ADD1: variants seen among roughly 807,000 people sequenced by gnomAD.
ADD1 encodes the protein alpha-adducin.
Under a neutral mutation model 80.5 loss-of-function variants are expected in ADD1, and 24 were observed. The observed-to-expected ratio is 0.30, with a 90% CI of 0.22 to 0.42. The LOEUF (loss-of-function observed/expected upper bound fraction) is 0.42. Ranked by LOEUF, ADD1 falls within the 10% of genes least tolerant of loss-of-function variation. The pLI, the probability that ADD1 is intolerant of heterozygous loss-of-function variation, is 1.00. For synonymous variants in ADD1, 373 were observed against 393.8 expected (o/e 0.95, Z 0.63); for missense variants, 948 against 1,019.0 (o/e 0.93, Z 0.95).
In ADD1 at chr4:2,883,950, C is replaced by T. The variant is rs373740267; in HGVS notation, c.359-565C>T. ...CCTCCCAAAGTGCTGGGATTACAGGCGTGAGCCACCGCGCCCAGCCCATAT... is the reference window on the plus strand; with the variant it reads ...CCTCCCAAAGTGCTGGGATTACAGGTGTGAGCCACCGCGCCCAGCCCATAT... On this transcript the variant is annotated intron_variant, in intron 3 of 15. Transcript: ENST00000683351. Among the ~76,000 whole-genome samples, 173 of 152,334 alleles carry T rather than the reference C, an allele frequency of 1.1e-3. 1 individual carries two copies. Among genetic ancestry groups the T allele is most frequent in the Admixed American group, 3.6e-3 (55 of 15,302 alleles).
At chr4:2,863,374 A>G (rs1729091139) in intron 1 of ADD1, among the ~76,000 whole-genome samples, 1 of 151,988 alleles carries the variant, frequency 6.6e-6, no homozygotes. Flanking sequence ...TGGAATTTTT[A>G]GACTTCAGAA....
At chr4:2,858,432 G>A (rs965824312) in intron 1 of ADD1, among the ~76,000 whole-genome samples, 12 of 152,122 alleles carry the variant, frequency 7.9e-5, no homozygotes, top group African/African-American at 2.7e-4. Flanking sequence ...CTAAGGTTAC[G>A]CGGTTTAGTG....
Position 2,899,283 on chromosome 4 carries a change from G to C in ADD1, c.1009G>C (p.Gly337Arg). 1 of 1,613,608 alleles carries C rather than the reference G, an allele frequency of 6.2e-7. No homozygotes were observed. The highest frequency in any genetic ancestry group is 8.5e-7 in the Non-Finnish European group (1 of 1,179,508). ...GGTTCGAACTCTGGCCAGTGCAGGA[G>C]GACCAGACAACTTAGTCCTGCTGAA... ...IQVRTLASAG[G>R]PDNLVLLNPE... The change falls in exon 9 of 16, where the codon GGA becomes CGA. Residue 337 changes from glycine (G) to arginine (R), a missense_variant. Physicochemically the swap from Gly to Arg is moderately radical, Grantham distance 125. Transcript: ENST00000683351.
At chr4:2,902,281 T>C (rs1736318929) in intron 9 of ADD1, 4 of 152,218 alleles carry the variant, frequency 2.6e-5, no homozygotes, top group Admixed American at 1.3e-4. Context: ...ACTGTGTTTT[T>C]CTGCAGATAG....
intron 10 of ADD1, chr4:2,905,629 A>C: frequency 6.2e-6 from 1 of 160,960 alleles, no homozygotes; most frequent in Non-Finnish European, 1.4e-5. Flanking sequence ...TTTCTATCCC[A>C]AAGCCTCCGA....
chr4:2,906,080 A>C (rs1737005648), intron 10 of ADD1, among the ~76,000 whole-genome samples: 1 of 152,218 alleles, frequency 6.6e-6, no homozygotes, highest in Non-Finnish European at 1.5e-5. Context: ...CAAATACATA[A>C]AGTGGGGCTT....
chr4:2,887,263 C>T (rs1047409035), intron 4 of ADD1, among the ~76,000 whole-genome samples: 1 of 152,064 alleles, frequency 6.6e-6, no homozygotes, highest in African/African-American at 2.4e-5. Context: ...ATGGTATAGA[C>T]GCTTAACAGA....
At chr4:2,927,865 G>A (rs1712121013) in intron 15 of ADD1, among the ~76,000 whole-genome samples, 1 of 152,060 alleles carries the variant, frequency 6.6e-6, no homozygotes, top group Non-Finnish European at 1.5e-5. Context: ...TCCTTTAGTC[G>A]TCCTCAGCTT....
intron 3 of ADD1, among the ~76,000 whole-genome samples, chr4:2,883,027 A>G (rs1271993737): frequency 6.6e-6 from 1 of 151,738 alleles, no homozygotes; most frequent in African/African-American, 2.4e-5. Flanking sequence ...ACACCTGGCT[A>G]ATTTTTGTTA....
At chr4:2,852,173 T>TC (rs1315444644) in intron 1 of ADD1, among the ~76,000 whole-genome samples, 20 of 71,390 alleles carry the variant, frequency 2.8e-4, no homozygotes, top group African/African-American at 1.3e-3. Flanking sequence ...TTTCTTTCTT[T>TC]CTTTCTTTCT....
At chr4:2,854,346 G>GC (rs1727754630) in intron 1 of ADD1, among the ~76,000 whole-genome samples, 1 of 152,146 alleles carries the variant, frequency 6.6e-6, no homozygotes, top group African/African-American at 2.4e-5. Context: ...AAGCAAGCAA[G>GC]AAAGAAAGAA....
chr4:2,857,471 G>A (rs961762013), intron 1 of ADD1, among the ~76,000 whole-genome samples: 10 of 152,186 alleles, frequency 6.6e-5, no homozygotes, highest in Non-Finnish European at 1.0e-4. Flanking sequence ...AGCCGGACAT[G>A]ATGGGGTGCA....
chr4:2,856,278 A>G (rs1263412), intron 1 of ADD1, among the ~76,000 whole-genome samples: 47,312 of 151,908 alleles, frequency 0.31, 7,815 homozygotes, highest in African/African-American at 0.38. Flanking sequence ...GAGTTATCCT[A>G]CTGCTCTCTA....
At position 2,928,767 on chromosome 4, in the gene ADD1, A is replaced by G; in HGVS notation, c.*244A>G. ...TCTGGGGGAGACATGCTCTCCCCAC[A>G]GGGGGGAGGCACTAAGTCATGGTCC... On this transcript the variant is annotated 3_prime_UTR_variant, in exon 16 of 16. Coordinates refer to ENST00000683351, the MANE Select transcript of ADD1 (RefSeq NM_001354761.2). The G allele has an allele frequency of 4.0e-6, 2 of 497,750 alleles. No homozygotes were observed. The highest frequency in any genetic ancestry group is 3.5e-6 in the Non-Finnish European group (1 of 288,086). The allele number at this position is 497,750 out of a possible 1,614,324, so 30.8% of individuals were successfully genotyped here. A position where few individuals can be genotyped will look rare whatever the true frequency, so the allele number is the denominator to read the frequency against.
At chr4:2,911,193 T>C (rs1328700548) in intron 13 of ADD1, among the ~76,000 whole-genome samples, 3 of 152,162 alleles carry the variant, frequency 2.0e-5, no homozygotes, top group Non-Finnish European at 4.4e-5. Flanking sequence ...CGTGGATGCC[T>C]GCTTCCCATC....
Position 2,880,492 on chromosome 4 carries a change from T to TTTC in ADD1, c.196-1405_196-1404insTCT, listed in dbSNP as rs1732105077. ...TTTTTTTTTTTTTTTTTTTTTTTTT[T>TTTC]TGAGACGGAGTCTCGCTCTATCTCC... is the stretch of plus-strand genomic sequence containing the variant. On this transcript the variant is annotated intron_variant, in intron 2 of 15. Coordinates refer to ENST00000683351, the MANE Select transcript of ADD1 (RefSeq NM_001354761.2). 4.5e-5 allele frequency among the ~76,000 whole-genome samples: 6 copies of TTTC among 133,062 alleles called. No individual in the cohort carries two copies. The South Asian group carries it at 1.5e-3, about 33-fold the overall frequency. The allele number at this position is 133,062 out of a possible 152,430, so 87.3% of individuals were successfully genotyped here.
intron 1 of ADD1, among the ~76,000 whole-genome samples, chr4:2,866,758 G>A (rs970901971): frequency 2.6e-5 from 4 of 152,126 alleles, no homozygotes; most frequent in South Asian, 2.1e-4. Flanking sequence ...GTTTTGAGCC[G>A]GCCATTTATT....
intron 1 of ADD1, among the ~76,000 whole-genome samples, chr4:2,859,009 G>A (rs1017493671): frequency 6.6e-6 from 1 of 152,146 alleles, no homozygotes; most frequent in Non-Finnish European, 1.5e-5. Context: ...ATCGTAGGGC[G>A]TTGCTGGTAC....
At chr4:2,911,448 A>ATTTTTTT (rs33935514) in intron 13 of ADD1, among the ~76,000 whole-genome samples, 1 of 130,498 alleles carries the variant, frequency 7.7e-6, no homozygotes, top group African/African-American at 3.0e-5. Context: ...ATATATATAT[A>ATTTTTTT]TTTTTTTTTT....
Sources: gnomAD v4.1 joint callset for allele counts (sites outside exome capture counted in the v4.1 genomes callset) on GRCh38, gnomAD v4.1.1 for gene constraint, MANE v1.5 for transcripts, NCBI Gene and HGNC (gene_info 2026-07-23, HGNC 2026-07-21) for gene names.